SPTB: variants seen among roughly 807,000 people sequenced by gnomAD.
SPTB encodes spectrin beta, erythrocytic.
In SPTB, 45 loss-of-function variants were observed where a neutral mutation model predicts 256.2. That is an observed-to-expected ratio of 0.18 (90% CI 0.14 to 0.23). The LOEUF is 0.23. Ranked by LOEUF, SPTB falls within the 10% of genes least tolerant of loss-of-function variation. SPTB has a pLI of 1.00. For synonymous variants in SPTB, 1,231 were observed against 1,243.1 expected (o/e 0.99, Z 0.21); for missense variants, 2,715 against 3,040.4 (o/e 0.89, Z 2.52).
Position 64,841,667 on chromosome 14 carries a change from T to C in SPTB, c.-51-18522A>G, listed in dbSNP as rs891538194. ...AGATAGGAAAGCATTGTGGGTAACG[T>C]TCCCAGGACAGACCAGTGGCAGAGT... On this transcript the variant is annotated intron_variant, in intron 1 of 35. Coordinates refer to ENST00000644917, the MANE Select transcript of SPTB (RefSeq NM_001355436.2). The surrounding 1 kb of genome is among the most constrained non-coding windows in gnomAD (Gnocchi z 4.6). Among the ~76,000 whole-genome samples, 1 of 152,072 alleles carries C rather than the reference T, an allele frequency of 6.6e-6. No homozygotes were observed. Among genetic ancestry groups the C allele is most frequent in the Non-Finnish European group, 1.5e-5 (1 of 68,034 alleles).
intron 1 of SPTB, among the ~76,000 whole-genome samples, chr14:64,833,294 T>A (rs554713285): frequency 1.4e-4 from 21 of 152,268 alleles, no homozygotes; most frequent in African/African-American, 3.6e-4. Context: ...CTCACGCCCA[T>A]AATCCGAGCA....
intron 19 of SPTB, among the ~76,000 whole-genome samples, 193 bp from the exon 20 acceptor site, chr14:64,782,746 C>T (rs1298492849): frequency 6.6e-6 from 1 of 150,920 alleles, no homozygotes; most frequent in Admixed American, 6.6e-5. Context: ...CTTTTGGCTT[C>T]CCTGGGACAC....
chr14:64,773,117 G>A, intron 25 of SPTB, 103 bp downstream of exon 25: 2 of 1,556,838 alleles, frequency 1.3e-6, no homozygotes, highest in Non-Finnish European at 1.7e-6. Context: ...CCTCACACTG[G>A]GGAGGTTACG....
intron 1 of SPTB, among the ~76,000 whole-genome samples, chr14:64,855,114 G>T (rs2139785602): frequency 6.6e-6 from 1 of 152,296 alleles, no homozygotes; most frequent in East Asian, 1.9e-4. Flanking sequence ...GAAGAGAAGG[G>T]TGCCCAATGC....
Position 64,806,135 on chromosome 14 carries a change from A to G in SPTB, c.149-1045T>C, listed in dbSNP as rs2082978897. Among the ~76,000 whole-genome samples the G allele has an allele frequency of 1.3e-5, 2 of 152,116 alleles. No homozygotes were observed. Among genetic ancestry groups the G allele is most frequent in the Non-Finnish European group, 2.9e-5 (2 of 68,024 alleles). On this transcript the variant is annotated intron_variant, in intron 2 of 35. Coordinates refer to ENST00000644917, the MANE Select transcript of SPTB (RefSeq NM_001355436.2). The surrounding 1 kb of genome is among the most constrained non-coding windows in gnomAD (Gnocchi z 4.1). ...GACAGAAGACTGGGATGGCACAAAA[A>G]AAAGAGAGAGAAAAGGATAGAGGAG...
chr14:64,833,230 T>C (rs911770419), intron 1 of SPTB, among the ~76,000 whole-genome samples: 3 of 152,156 alleles, frequency 2.0e-5, no homozygotes, highest in African/African-American at 7.2e-5. Context: ...CTGTCAGAAC[T>C]CAGCCCAGCC....
At chr14:64,856,894 C>T (rs1472333545) in intron 1 of SPTB, among the ~76,000 whole-genome samples, 1 of 152,218 alleles carries the variant, frequency 6.6e-6, no homozygotes. Context: ...TGTTTGAGAC[C>T]TTGGACAAGT....
rs143950158 is a variant in SPTB at position 64,772,711 on chromosome 14, C to T, written c.5422G>A (p.Glu1808Lys). 2.1e-4 allele frequency: 341 copies of T among 1,613,882 alleles called. 3 individuals carry two copies. In the South Asian group the frequency reaches 2.5e-3, roughly 12 times the overall value. The change falls in exon 26 of 36, where the codon GAG becomes AAG. Residue 1808 changes from glutamate to lysine, a missense_variant. By Grantham distance (56) the Glu-to-Lys change is moderately conservative. This residue lies in a region of SPTB where 2,239 missense variants were observed against 2,384.4 expected (regional missense o/e 0.94). Coordinates refer to ENST00000644917, the MANE Select transcript of SPTB (RefSeq NM_001355436.2). The surrounding 1 kb of genome is among the most constrained non-coding windows in gnomAD (Gnocchi z 5.4). Reference protein sequence around the residue: ...DLHRYFYTGAEILGLIDEKHR... With the variant: ...DLHRYFYTGAKILGLIDEKHR... ...TTCTCGTCGATGAGGCCCAGGATCT[C>T]GGCACCCGTGTAGAAGTAGCGGTGC... is the stretch of plus-strand genomic sequence containing the variant.
chr14:64,791,986 G>A, intron 14 of SPTB, 130 bp from the exon 15 acceptor site: 1 of 1,282,970 alleles, frequency 7.8e-7, no homozygotes, highest in Non-Finnish European at 1.1e-6. Context: ...ATTTGCCCAG[G>A]TGAGGCAGGA....
chr14:64,823,662 C>T lies in SPTB; in HGVS notation c.-51-517G>A, dbSNP rs757557083. ...GGAGAGATGGATGAGAGAGTTAAGC[C>T]GCCACTGACGCCACCAGCCCGGGGC... On this transcript the variant is annotated intron_variant, in intron 1 of 35. Coordinates refer to ENST00000644917, the MANE Select transcript of SPTB (RefSeq NM_001355436.2). The surrounding 1 kb of genome is among the most constrained non-coding windows in gnomAD (Gnocchi z 6.5). 1.3e-5 allele frequency among the ~76,000 whole-genome samples: 2 copies of T among 152,180 alleles called. No individual in the cohort carries two copies. Among genetic ancestry groups the T allele is most frequent in the South Asian group, 2.1e-4 (1 of 4,824 alleles).
At chr14:64,783,436 A>G (rs570593149) in intron 19 of SPTB, among the ~76,000 whole-genome samples, 1 of 152,298 alleles carries the variant, frequency 6.6e-6, no homozygotes, top group Non-Finnish European at 1.5e-5. Flanking sequence ...TCCAGACCTC[A>G]GGTGATCCGC....
chr14:64,754,462 C>T (rs1004163424), intron 32 of SPTB: 1 of 157,246 alleles, frequency 6.4e-6, no homozygotes, highest in Non-Finnish European at 1.4e-5. Flanking sequence ...TCCGCAATCA[C>T]CTCAGGTGCT....
chr14:64,822,906 C>T, intron 2 of SPTB, 41 bp downstream of exon 2: 2 of 1,612,182 alleles, frequency 1.2e-6, no homozygotes, highest in Non-Finnish European at 1.7e-6. Flanking sequence ...AACCTTGTGA[C>T]TGTGAGAATG....
In SPTB at chr14:64,769,738, A is replaced by G. The variant is rs1305571319; in HGVS notation, c.5799-10T>C. 6.2e-7 allele frequency: 1 copy of G among 1,614,006 alleles called. No individual in the cohort carries two copies. Among genetic ancestry groups the G allele is most frequent in the Non-Finnish European group, 8.5e-7 (1 of 1,180,016 alleles). On this transcript the variant is annotated splice_polypyrimidine_tract_variant and intron_variant, in intron 27 of 35. Transcript: ENST00000644917. Reference sequence around the variant, plus strand: ...CACAGAGGAGACATCCCTGGGGGACAGGAGGACAAGGGAAGAAGGGAACTC... The same window carrying G: ...CACAGAGGAGACATCCCTGGGGGACGGGAGGACAAGGGAAGAAGGGAACTC...
intron 1 of SPTB, among the ~76,000 whole-genome samples, chr14:64,876,812 C>G (rs1379993478): frequency 2.0e-5 from 3 of 152,060 alleles, no homozygotes; most frequent in African/African-American, 7.3e-5. Context: ...TAATCTCCTC[C>G]AAAGGAAATA....
At position 64,793,674 on chromosome 14, in the gene SPTB, C is replaced by T. The variant is rs774299894; in HGVS notation, c.1989G>A (p.Leu663=). Residue 663 remains leucine (L), a synonymous_variant, in exon 14 of 36, where the codon CTG becomes CTA. Coordinates refer to ENST00000644917, the MANE Select transcript of SPTB (RefSeq NM_001355436.2). The surrounding 1 kb of genome is among the most constrained non-coding windows in gnomAD (Gnocchi z 7.0). The part of the protein sequence containing the change: ...IKEKEQIYSS[L]DYGKDLTSVL... The stretch of plus-strand genomic sequence containing the variant: ...CACTGGTCAGGTCTTTGCCATAGTC[C>T]AGGGAAGAATAGATCTGCTCCTTCT... 1 of 1,614,020 alleles carries T rather than the reference C, an allele frequency of 6.2e-7. No individual in the cohort carries two copies. The highest frequency in any genetic ancestry group is 1.3e-5 in the African/African-American group (1 of 74,922).
At position 64,847,156 on chromosome 14, in the gene SPTB, G is replaced by A. The variant is rs376732234; in HGVS notation, c.-51-24011C>T. On this transcript the variant is annotated intron_variant, in intron 1 of 35. Transcript: ENST00000644917. The surrounding 1 kb of genome is among the most constrained non-coding windows in gnomAD (Gnocchi z 5.9). The stretch of plus-strand genomic sequence containing the variant: ...TCAAGCCCAGTCGGCTCTTGGTCCA[G>A]GACCTAATCTTCAAAGCTCCAGAAA... Among the ~76,000 whole-genome samples the A allele has an allele frequency of 3.1e-4, 47 of 152,310 alleles. No individual in the cohort carries two copies. In the South Asian group the frequency reaches 9.3e-3, roughly 30 times the overall value.
In SPTB at chr14:64,772,843, C is replaced by T. The variant is rs1222896246; in HGVS notation, c.5290G>A (p.Glu1764Lys). 11 of 1,613,468 alleles carry T rather than the reference C, an allele frequency of 6.8e-6. No homozygotes were observed. The highest frequency in any genetic ancestry group is 3.3e-5 in the Admixed American group (2 of 60,000). Residue 1764 changes from glutamate (E) to lysine (K), a missense_variant, in exon 26 of 36, where the codon GAG becomes AAG. By Grantham distance (56) the Glu-to-Lys change is moderately conservative. Transcript: ENST00000644917. The surrounding 1 kb of genome is among the most constrained non-coding windows in gnomAD (Gnocchi z 5.4). Reference sequence around the variant, plus strand: ...TTCCACTCGGCGATGGTGGCCGCCTCGCTGTGGCCCGCGTCGATGAGTCGC... The same window carrying T: ...TTCCACTCGGCGATGGTGGCCGCCTTGCTGTGGCCCGCGTCGATGAGTCGC... ...IERLIDAGHS[E>K]AATIAEWKDG...
intron 1 of SPTB, among the ~76,000 whole-genome samples, chr14:64,856,374 C>A (rs947112959): frequency 1.3e-5 from 2 of 152,166 alleles, no homozygotes; most frequent in Admixed American, 1.3e-4. Context: ...GAGCTCACTG[C>A]TAAGTTCCTC....
Sources: allele counts gnomAD v4.1 joint callset (sites outside exome capture counted in the v4.1 genomes callset), GRCh38; gene constraint gnomAD v4.1.1; regional missense constraint gnomAD v4.1.1; non-coding constraint Gnocchi (gnomAD v3.1); transcripts MANE v1.5; gene names NCBI Gene and HGNC (gene_info 2026-07-23, HGNC 2026-07-21).